MACROD2: variants seen among roughly 807,000 people sequenced by gnomAD.
MACROD2 encodes ADP-ribose glycohydrolase MACROD2.
In MACROD2, 36 loss-of-function variants were observed where a neutral mutation model predicts 70.4. The observed-to-expected ratio is 0.51, with a 90% CI of 0.39 to 0.68. The LOEUF (loss-of-function observed/expected upper bound fraction) is 0.68, where lower values mean the gene tolerates loss of function less well. Ranked by LOEUF, MACROD2 falls within the 30% of genes least tolerant of loss-of-function variation. The pLI, the probability that MACROD2 is intolerant of heterozygous loss-of-function variation, is 0.00. For synonymous variants in MACROD2, 172 were observed against 178.8 expected (o/e 0.96, Z 0.30); for missense variants, 496 against 538.4 (o/e 0.92, Z 0.78).
At chr20:14,011,982 C>A (rs2052915224) in intron 2 of MACROD2, among the ~76,000 whole-genome samples, 1 of 152,106 alleles carries the variant, frequency 6.6e-6, no homozygotes. Flanking sequence ...GATCTTAGCT[C>A]ACTGCAACCT....
chr20:14,536,664 C>T (rs1015806703), intron 4 of MACROD2, among the ~76,000 whole-genome samples: 3 of 106,376 alleles, frequency 2.8e-5, no homozygotes, highest in African/African-American at 6.5e-5. Context: ...TGTGTGTGTG[C>T]ATGCATGTGT....
Position 15,604,757 on chromosome 20 carries a change from C to A in MACROD2, c.645+104910C>A, listed in dbSNP as rs60134750. Among the ~76,000 whole-genome samples, 668 of 152,292 alleles carry A rather than the reference C, an allele frequency of 4.4e-3. 4 individuals carry two copies. Among genetic ancestry groups the A allele is most frequent in the African/African-American group, 0.015 (641 of 41,554 alleles). On this transcript the variant is annotated intron_variant, in intron 8 of 17. Coordinates refer to ENST00000684519, the MANE Select transcript of MACROD2 (RefSeq NM_001351661.2). ...TCTGGGGTTTCTGAAGTCTTTATGA[C>A]ACAGCAAAGTCTGTGCTACGGGGAC...
intron 8 of MACROD2, among the ~76,000 whole-genome samples, chr20:15,670,161 A>C (rs948031418): frequency 1.3e-5 from 2 of 152,188 alleles, no homozygotes; most frequent in African/African-American, 2.4e-5. Context: ...GCAACTATCT[A>C]GATTGGAAAG....
intron 3 of MACROD2, among the ~76,000 whole-genome samples, chr20:14,157,381 C>T (rs1392846660): frequency 6.6e-6 from 1 of 151,850 alleles, no homozygotes; most frequent in South Asian, 2.1e-4. Context: ...GAGTATTTAT[C>T]ATTTGTATAT....
chr20:15,697,040 G>A (rs941553340), intron 8 of MACROD2, among the ~76,000 whole-genome samples: 2 of 151,632 alleles, frequency 1.3e-5, no homozygotes, highest in South Asian at 4.1e-4. Context: ...TGTCTTTTTT[G>A]TTCCAATTTC....
chr20:14,547,659 A>G (rs1386043410), intron 4 of MACROD2: 1 of 152,450 alleles, frequency 6.6e-6, no homozygotes, highest in Non-Finnish European at 1.5e-5. Flanking sequence ...TTGCTTGTTG[A>G]ATCAGTTATC....
At chr20:14,309,733 CT>C (rs1452332603) in intron 3 of MACROD2, among the ~76,000 whole-genome samples, 13 of 152,120 alleles carry the variant, frequency 8.5e-5, no homozygotes, top group African/African-American at 3.1e-4. Flanking sequence ...TAACTCGTAT[CT>C]TAAACAGTAA....
chr20:14,799,858 G>T (rs1022314585), intron 5 of MACROD2, among the ~76,000 whole-genome samples: 6 of 152,106 alleles, frequency 3.9e-5, no homozygotes, highest in African/African-American at 1.4e-4. Flanking sequence ...GTTAATGGAA[G>T]AAATATTCTT....
At chr20:15,593,952 G>T (rs891072958) in intron 8 of MACROD2, among the ~76,000 whole-genome samples, 2 of 152,190 alleles carry the variant, frequency 1.3e-5, no homozygotes, top group Non-Finnish European at 2.9e-5. Flanking sequence ...TGAGGTATGG[G>T]TTGGTAAACA....
chr20:14,875,565 G>T (rs1251317891), intron 5 of MACROD2, among the ~76,000 whole-genome samples: 1 of 151,958 alleles, frequency 6.6e-6, no homozygotes, highest in Non-Finnish European at 1.5e-5. Context: ...TGAGGTTTGG[G>T]GTACATATTA....
intron 2 of MACROD2, among the ~76,000 whole-genome samples, chr20:14,015,707 T>C (rs2052979844): frequency 6.6e-6 from 1 of 152,228 alleles, no homozygotes; most frequent in Admixed American, 6.5e-5. Context: ...GTAGATACAA[T>C]CATGTAAGTG....
At chr20:14,411,310 T>G (rs939806835) in intron 3 of MACROD2, among the ~76,000 whole-genome samples, 4 of 152,044 alleles carry the variant, frequency 2.6e-5, no homozygotes, top group African/African-American at 9.7e-5. Flanking sequence ...GAGGATCCAT[T>G]AGGGATAAGG....
At chr20:15,430,210 A>G (rs1471627971) in intron 6 of MACROD2, among the ~76,000 whole-genome samples, 2 of 151,308 alleles carry the variant, frequency 1.3e-5, no homozygotes, top group African/African-American at 4.8e-5. Flanking sequence ...GTGAATTTGT[A>G]TTGTATTTTT....
At chr20:15,489,529 CA>C (rs1394278760) in intron 7 of MACROD2, among the ~76,000 whole-genome samples, 2 of 152,170 alleles carry the variant, frequency 1.3e-5, no homozygotes, top group Non-Finnish European at 2.9e-5. Context: ...CCTTGGGCCC[CA>C]CACACACTCT....
intron 5 of MACROD2, among the ~76,000 whole-genome samples, chr20:14,690,643 T>C (rs1600544724): frequency 1.3e-5 from 2 of 152,140 alleles, no homozygotes; most frequent in East Asian, 3.9e-4. Context: ...ACTAAATCCA[T>C]ATTAGAGGCA....
At chr20:15,006,206 A>G (rs2075036354) in intron 5 of MACROD2, among the ~76,000 whole-genome samples, 1 of 150,686 alleles carries the variant, frequency 6.6e-6, no homozygotes, top group South Asian at 2.1e-4. Flanking sequence ...ATGCAACCTT[A>G]AAAAGAGGGA....
chr20:14,905,782 T>C (rs907126007), intron 5 of MACROD2: 3 of 152,264 alleles, frequency 2.0e-5, no homozygotes, highest in Admixed American at 6.6e-5. Flanking sequence ...TCCTCTGCAA[T>C]AGGAACATGA....
chr20:14,240,412 A>G (rs540961588), intron 3 of MACROD2, among the ~76,000 whole-genome samples: 4 of 152,342 alleles, frequency 2.6e-5, no homozygotes, highest in South Asian at 2.1e-4. Context: ...AGTACTCTCC[A>G]TAATTGCAAA....
intron 3 of MACROD2, among the ~76,000 whole-genome samples, chr20:14,138,888 G>A (rs953981701): frequency 2.0e-5 from 3 of 151,190 alleles, no homozygotes; most frequent in African/African-American, 7.3e-5. Flanking sequence ...CTAAACATTT[G>A]GTACACCTTA....
Sources: gnomAD v4.1 joint callset for allele counts (sites outside exome capture counted in the v4.1 genomes callset) on GRCh38, gnomAD v4.1.1 for gene constraint, MANE v1.5 for transcripts, NCBI Gene and HGNC (gene_info 2026-07-23, HGNC 2026-07-21) for gene names.